Variants in ELF2 observed in about 807,000 individuals in gnomAD.
ELF2 encodes the protein E74 like ETS transcription factor 2, also known as ETS-related transcription factor Elf-2.
A neutral mutation model predicts 54.8 loss-of-function variants in ELF2; 11 were observed. The ratio of observed to expected loss-of-function variants is 0.20; its 90% confidence interval spans 0.13 to 0.33. The LOEUF is 0.33. ELF2 is among the 10% of genes least tolerant of loss of function. The pLI is 1.00. For synonymous variants in ELF2, 203 were observed against 245.1 expected (o/e 0.83, Z 1.61); for missense variants, 513 against 703.0 (o/e 0.73, Z 3.06).
intron 1 of ELF2, among the ~76,000 whole-genome samples, chr4:139,167,627 C>T (rs997089807): frequency 3.9e-5 from 6 of 152,156 alleles, no homozygotes; most frequent in Non-Finnish European, 7.3e-5. Flanking sequence ...GCAAACTGGC[C>T]TAGATCCTAA....
chr4:139,150,661 T>C (rs1331929422), intron 1 of ELF2, among the ~76,000 whole-genome samples: 5 of 151,832 alleles, frequency 3.3e-5, no homozygotes, highest in African/African-American at 1.2e-4. Context: ...GAACACAATA[T>C]AGAGGCCAGA....
rs368627314 is a variant in ELF2 at position 139,154,282 on chromosome 4, TTTAAC to T, written c.-251-14790_-251-14786del. Among the ~76,000 whole-genome samples the T allele has an allele frequency of 3.6e-3, 555 of 152,312 alleles. 6 individuals are homozygous for T. The highest frequency in any genetic ancestry group is 0.014 in the Middle Eastern group (4 of 294). On this transcript the variant is annotated intron_variant, in intron 1 of 9. Transcript: ENST00000686138. Reference sequence around the variant, plus strand: ...GATGTTGGGCAGTTACTTAATCTCCTTTAACTTAAATTTTCTTATCCATAAGATAG... The same window carrying T: ...GATGTTGGGCAGTTACTTAATCTCCTTTAAATTTTCTTATCCATAAGATAG...
chr4:139,134,963 G>A (rs1437432949), intron 3 of ELF2, among the ~76,000 whole-genome samples: 1 of 151,442 alleles, frequency 6.6e-6, no homozygotes, highest in Non-Finnish European at 1.5e-5. Context: ...AATAATTTTT[G>A]CAACTATACT....
At chr4:139,069,935 G>A (rs1212433226) in intron 6 of ELF2, among the ~76,000 whole-genome samples, 2 of 151,688 alleles carry the variant, frequency 1.3e-5, no homozygotes, top group Non-Finnish European at 2.9e-5. Context: ...TAGCCTCCCA[G>A]GCTTAAGTGA....
At chr4:139,129,244 TCTA>T (rs1307402520) in intron 3 of ELF2, among the ~76,000 whole-genome samples, 2 of 152,266 alleles carry the variant, frequency 1.3e-5, no homozygotes. Context: ...GGCCTACCAC[TCTA>T]CTTTCAAGCG....
Position 139,058,800 on chromosome 4 carries a change from A to C in ELF2, c.*183T>G. 1.3e-6 allele frequency: 1 copy of C among 797,410 alleles called. No homozygotes were observed. Among genetic ancestry groups the C allele is most frequent in the East Asian group, 2.9e-5 (1 of 34,896 alleles). 49.4% of individuals were successfully genotyped at this position (797,410 alleles called of 1,614,324 possible). A position where few individuals can be genotyped will look rare whatever the true frequency, so the allele number is the denominator to read the frequency against. ...GAGGCAGTTTTCTGTCAGCATCTCA[A>C]TATGTAGTTCATTTCCCACTGAAAC... On this transcript the variant is annotated 3_prime_UTR_variant, in exon 10 of 10. Coordinates refer to ENST00000686138, the MANE Select transcript of ELF2 (RefSeq NM_001331036.3).
intron 3 of ELF2, among the ~76,000 whole-genome samples, chr4:139,134,572 ATTTTATGTTATATTTAT>A (rs1560851029): frequency 6.1e-5 from 9 of 146,880 alleles, no homozygotes; most frequent in South Asian, 2.1e-4. Context: ...ATGTTATTTT[ATTTTATGTTATATTTAT>A]TTTATTTTAT....
rs926419971 is a variant in ELF2, at chr4:139,084,376, C to T, written c.239-10809G>A. Reference sequence around the variant, plus strand: ...CGACAGGAAGCCGAGGCCGGCCCGCCTCCCGCCGCCGGGCTGAGAAACCCC... The same window carrying T: ...CGACAGGAAGCCGAGGCCGGCCCGCTTCCCGCCGCCGGGCTGAGAAACCCC... On this transcript the variant is annotated intron_variant, in intron 4 of 9. Transcript: ENST00000686138. 3 of 1,461,900 alleles carry T rather than the reference C, an allele frequency of 2.1e-6. No homozygotes were observed. The African/African-American group carries it at 4.2e-5, about 21-fold the overall frequency. 90.6% of individuals were successfully genotyped at this position (1,461,900 alleles called of 1,614,324 possible).
chr4:139,107,812 G>A (rs1327092167), intron 4 of ELF2, among the ~76,000 whole-genome samples: 1 of 152,090 alleles, frequency 6.6e-6, no homozygotes, highest in Non-Finnish European at 1.5e-5. Flanking sequence ...CACAAGTATG[G>A]GATAGCACCA....
intron 4 of ELF2, among the ~76,000 whole-genome samples, chr4:139,104,773 C>T (rs1734255286): frequency 1.3e-5 from 2 of 152,086 alleles, no homozygotes; most frequent in Non-Finnish European, 2.9e-5. Context: ...TTGACTTGTT[C>T]CTCTGCCTCT....
intron 4 of ELF2, among the ~76,000 whole-genome samples, chr4:139,120,143 C>A (rs1736164067): frequency 6.6e-6 from 1 of 152,216 alleles, no homozygotes; most frequent in African/African-American, 2.4e-5. Context: ...ATCATCATGA[C>A]TATTACCAAA....
At chr4:139,177,804 G>T (rs13127848), upstream of ELF2, among the ~76,000 whole-genome samples, 16,786 of 152,256 alleles carry the variant, frequency 0.11, 1,182 homozygotes, top group Non-Finnish European at 0.16. Flanking sequence ...CCCTTCTCCG[G>T]AGACGGCCCC....
At chr4:139,071,754 T>C in intron 6 of ELF2, 112 bp downstream of exon 6, 1 of 1,000,650 alleles carries the variant, frequency 1.0e-6, no homozygotes, top group Non-Finnish European at 1.4e-6. Flanking sequence ...CTGGTTAAGA[T>C]AACATCAATC....
At chr4:139,080,512 T>C (rs1049059305) in intron 4 of ELF2, among the ~76,000 whole-genome samples, 2 of 152,182 alleles carry the variant, frequency 1.3e-5, no homozygotes, top group African/African-American at 4.8e-5. Flanking sequence ...TGAAAATATT[T>C]AGGCTAAATT....
intron 3 of ELF2, among the ~76,000 whole-genome samples, chr4:139,128,733 G>A (rs759288606): frequency 5.3e-5 from 8 of 151,754 alleles, no homozygotes; most frequent in Admixed American, 6.6e-5. Context: ...TGTTGCCCAG[G>A]CTGGTCTTGA....
At chr4:139,076,051 GA>G (rs902145164) in intron 4 of ELF2, among the ~76,000 whole-genome samples, 1 of 152,094 alleles carries the variant, frequency 6.6e-6, no homozygotes, top group African/African-American at 2.4e-5. Context: ...TTAATTGGGG[GA>G]AAAAATCCAG....
At chr4:139,113,222 G>T (rs575062327) in intron 4 of ELF2, among the ~76,000 whole-genome samples, 1 of 152,070 alleles carries the variant, frequency 6.6e-6, no homozygotes, top group African/African-American at 2.4e-5. Context: ...GCTGAGTGTC[G>T]TGGCATTTGC....
intron 1 of ELF2, among the ~76,000 whole-genome samples, chr4:139,144,601 T>C (rs1739043558): frequency 6.6e-6 from 1 of 152,210 alleles, no homozygotes; most frequent in Non-Finnish European, 1.5e-5. Flanking sequence ...GCCTGAAAGC[T>C]GAGGTTCCTG....
Position 139,061,915 on chromosome 4 carries a change from C to T in ELF2, c.756G>A (p.Lys252=). ...AGTTCATGTCTGGTTTGTTCTTATGCTTTCCCCAAAGCTTAGAGACAGCCT... is the reference window on the plus strand; with the variant it reads ...AGTTCATGTCTGGTTTGTTCTTATGTTTTCCCCAAAGCTTAGAGACAGCCT... ...DSKAVSKLWG[K]HKNKPDMNYE... is the part of the protein sequence containing the mutation. Residue 252 remains lysine (K), a synonymous_variant, in exon 8 of 10, where the codon AAG becomes AAA. Transcript: ENST00000686138. The T allele has an allele frequency of 1.2e-6, 2 of 1,613,866 alleles. No homozygotes were observed. Among genetic ancestry groups the T allele is most frequent in the Non-Finnish European group, 1.7e-6 (2 of 1,179,820 alleles).
Sources: allele counts gnomAD v4.1 joint callset (sites outside exome capture counted in the v4.1 genomes callset), GRCh38; gene constraint gnomAD v4.1.1; transcripts MANE v1.5; gene names NCBI Gene and HGNC (gene_info 2026-07-23, HGNC 2026-07-21).